Variants in ARHGAP42 observed in about 807,000 individuals in gnomAD.
The protein encoded by ARHGAP42 is rho GTPase-activating protein 42.
A neutral mutation model predicts 125.0 loss-of-function variants in ARHGAP42; 63 were observed. The ratio of observed to expected loss-of-function variants is 0.50; its 90% confidence interval spans 0.41 to 0.62. ARHGAP42 has a LOEUF of 0.62. ARHGAP42 is among the 20% of genes least tolerant of loss of function. ARHGAP42 has a pLI of 0.00. For synonymous variants in ARHGAP42, 339 were observed against 351.0 expected, an observed-to-expected ratio of 0.97 and a Z score of 0.38; for missense variants, 766 against 1,024.2, an observed-to-expected ratio of 0.75 and a Z score of 3.44.
chr11:100,851,908 C>T (rs1865212980), intron 3 of ARHGAP42, among the ~76,000 whole-genome samples: 1 of 152,212 alleles, frequency 6.6e-6, no homozygotes, highest in Non-Finnish European at 1.5e-5. Flanking sequence ...CTGATCTTCA[C>T]TGAGTAAATC....
intron 4 of ARHGAP42, among the ~76,000 whole-genome samples, chr11:100,896,814 C>A (rs1295174751): frequency 6.6e-6 from 1 of 152,112 alleles, no homozygotes; most frequent in Non-Finnish European, 1.5e-5. Context: ...ATGGTAGTTT[C>A]TTTTGCTGTG....
intron 2 of ARHGAP42, among the ~76,000 whole-genome samples, chr11:100,783,005 G>A (rs774473786): frequency 6.6e-5 from 10 of 152,126 alleles, no homozygotes; most frequent in Admixed American, 5.2e-4. Flanking sequence ...CAACTGTGGG[G>A]AGCCTTAGAA....
At chr11:100,701,634 T>G (rs1018747899) in intron 1 of ARHGAP42, among the ~76,000 whole-genome samples, 1 of 152,214 alleles carries the variant, frequency 6.6e-6, no homozygotes, top group Non-Finnish European at 1.5e-5. Context: ...AAACTTTTCT[T>G]CTGCAGCTTC....
chr11:100,719,242 G>A (rs970854147), intron 1 of ARHGAP42, among the ~76,000 whole-genome samples: 6 of 151,988 alleles, frequency 3.9e-5, no homozygotes, highest in Non-Finnish European at 5.9e-5. Context: ...TGAAATATTG[G>A]CCAGTCAAAT....
rs145628979 is a variant in ARHGAP42 at position 100,719,965 on chromosome 11, G to T, written c.154+32133G>T. Among the ~76,000 whole-genome samples the T allele has an allele frequency of 2.3e-3, 343 of 152,322 alleles. 2 individuals are homozygous for T. Among genetic ancestry groups the T allele is most frequent in the African/African-American group, 7.7e-3 (319 of 41,564 alleles). ...TTGCCTCCCCTGCTGAATGTGGCTG[G>T]TGCCAAATTCCTGCTATTGGCTGAG... On this transcript the variant is annotated intron_variant, in intron 1 of 23. Transcript: ENST00000298815.
intron 17 of ARHGAP42, among the ~76,000 whole-genome samples, chr11:100,967,239 G>A (rs1174994181): frequency 6.6e-6 from 1 of 152,066 alleles, no homozygotes; most frequent in Non-Finnish European, 1.5e-5. Flanking sequence ...AATTAACTCT[G>A]AGTAACAGTA....
At position 100,791,039 on chromosome 11, in the gene ARHGAP42, C is replaced by G. The variant is rs114475705; in HGVS notation, c.251-4066C>G. 9.6e-3 allele frequency among the ~76,000 whole-genome samples: 1,457 copies of G among 152,242 alleles called. 17 individuals carry two copies. The highest frequency in any genetic ancestry group is 0.033 in the African/African-American group (1,383 of 41,518). On this transcript the variant is annotated intron_variant, in intron 2 of 23. Coordinates refer to ENST00000298815, the MANE Select transcript of ARHGAP42 (RefSeq NM_152432.4). ...CATTCACACAAACTCAATAACTATT[C>G]TGTATAAAGCACAGTGATGGGTGCT...
In ARHGAP42 at chr11:100,976,980, G is replaced by A. The variant is rs1858409810; in HGVS notation, c.2393+9G>A. 5 of 1,550,946 alleles carry A rather than the reference G, an allele frequency of 3.2e-6. No homozygotes were observed. The highest frequency in any genetic ancestry group is 4.4e-6 in the Non-Finnish European group (5 of 1,146,646). On this transcript the variant is annotated intron_variant, in intron 21 of 23. Transcript: ENST00000298815. The stretch of plus-strand genomic sequence containing the variant: ...CAGCGGCCTGGCTCAGTGTAAGTGA[G>A]CGTTTGTATATTTGCTGTGTCTCCC...
chr11:100,751,277 G>GTTTTTTTTTTTTTTTTTTTTT (rs756243174), intron 1 of ARHGAP42, among the ~76,000 whole-genome samples: 11 of 121,668 alleles, frequency 9.0e-5, no homozygotes, highest in African/African-American at 1.7e-4. Context: ...GTGTGTGTGT[G>GTTTTTTTTTTTTTTTTTTTTT]TGTTTTTTTT....
chr11:100,954,449 C>T (rs1280834749), intron 12 of ARHGAP42, among the ~76,000 whole-genome samples: 1 of 152,108 alleles, frequency 6.6e-6, no homozygotes, highest in Non-Finnish European at 1.5e-5. Context: ...TTGAAATTTC[C>T]CAACAGCTCT....
intron 3 of ARHGAP42, among the ~76,000 whole-genome samples, chr11:100,850,290 T>G (rs755988648): frequency 3.3e-5 from 5 of 152,208 alleles, no homozygotes; most frequent in Non-Finnish European, 7.4e-5. Flanking sequence ...CCACTGTAAC[T>G]TAAGGCTCCT....
At chr11:100,910,530 A>G (rs1006470305) in intron 4 of ARHGAP42, among the ~76,000 whole-genome samples, 5 of 152,112 alleles carry the variant, frequency 3.3e-5, no homozygotes, top group Non-Finnish European at 7.4e-5. Context: ...GGAACAATTC[A>G]TGGGTTATTT....
At chr11:100,955,683 G>T (rs1857784911) in intron 12 of ARHGAP42, among the ~76,000 whole-genome samples, 1 of 152,102 alleles carries the variant, frequency 6.6e-6, no homozygotes, top group Admixed American at 6.6e-5. Flanking sequence ...TGCCCCAGAA[G>T]TACCTTGTCC....
At chr11:100,947,823 A>G (rs1177747346) in intron 10 of ARHGAP42, among the ~76,000 whole-genome samples, 1 of 151,934 alleles carries the variant, frequency 6.6e-6, no homozygotes, top group Admixed American at 6.6e-5. Context: ...CTAATATTTT[A>G]TATCTTTTCC....
intron 3 of ARHGAP42, among the ~76,000 whole-genome samples, chr11:100,857,338 G>C (rs1036320824): frequency 2.6e-5 from 4 of 152,092 alleles, no homozygotes; most frequent in African/African-American, 9.7e-5. Flanking sequence ...TAATTATTCT[G>C]TTTTGTTATA....
chr11:100,891,525 C>A (rs575244705), intron 4 of ARHGAP42, among the ~76,000 whole-genome samples: 1 of 151,024 alleles, frequency 6.6e-6, no homozygotes, highest in African/African-American at 2.4e-5. Flanking sequence ...TTGCTGCAAC[C>A]TCTGCCTCCT....
chr11:100,987,608 C>G lies in ARHGAP42; in HGVS notation c.2536+16C>G. On this transcript the variant is annotated intron_variant, in intron 23 of 23. Coordinates refer to ENST00000298815, the MANE Select transcript of ARHGAP42 (RefSeq NM_152432.4). ...TTTTCTAATGGTAAGTATGTCAATTCCCTCTGCCTAAGTTTGTCATCATGG... is the reference window on the plus strand; with the variant it reads ...TTTTCTAATGGTAAGTATGTCAATTGCCTCTGCCTAAGTTTGTCATCATGG... 1.3e-6 allele frequency: 2 copies of G among 1,547,676 alleles called. No individual in the cohort carries two copies. The highest frequency in any genetic ancestry group is 1.7e-6 in the Non-Finnish European group (2 of 1,143,462).
intron 22 of ARHGAP42, among the ~76,000 whole-genome samples, chr11:100,981,723 T>C (rs936857932): frequency 1.3e-5 from 2 of 152,146 alleles, no homozygotes; most frequent in Admixed American, 6.6e-5. Flanking sequence ...ACTGGTGAGA[T>C]TTAAAAGGCC....
intron 3 of ARHGAP42, among the ~76,000 whole-genome samples, chr11:100,837,666 C>CTATTT (rs1555008871): frequency 8.2e-5 from 5 of 61,040 alleles, no homozygotes; most frequent in African/African-American, 3.5e-4. Flanking sequence ...AGGTGTCATC[C>CTATTT]TTTTTTTTTT....
Sources: gnomAD v4.1 joint callset for allele counts (sites outside exome capture counted in the v4.1 genomes callset) on GRCh38, gnomAD v4.1.1 for gene constraint, MANE v1.5 for transcripts, NCBI Gene and HGNC (gene_info 2026-07-23, HGNC 2026-07-21) for gene names.